The following SRPK2 variants were observed in gnomAD, a reference collection of about 807,000 sequenced individuals.
SRPK2 encodes SRSF protein kinase 2, also known as SFRS protein kinase 2.
Under a neutral mutation model 90.8 loss-of-function variants are expected in SRPK2, and 21 were observed. That is an observed-to-expected ratio of 0.23 (90% CI 0.16 to 0.33). SRPK2 has a LOEUF of 0.33. SRPK2 is among the 10% of genes least tolerant of loss of function. The pLI, the probability that SRPK2 is intolerant of heterozygous loss-of-function variation, is 1.00. For synonymous variants in SRPK2, 288 were observed against 311.1 expected, an observed-to-expected ratio of 0.93 and a Z score of 0.78; for missense variants, 620 against 869.0, an observed-to-expected ratio of 0.71 and a Z score of 3.60.
rs181928437 is a variant in SRPK2 at position 105,382,492 on chromosome 7, C to T, written c.71+6156G>A. Among the ~76,000 whole-genome samples, 47 of 129,930 alleles carry T rather than the reference C, an allele frequency of 3.6e-4. No individual in the cohort carries two copies. In the East Asian group the frequency reaches 4.1e-3, roughly 11 times the overall value. 85.2% of individuals were successfully genotyped at this position (129,930 alleles called of 152,430 possible). ...GCTTAAACCCAGGAAGCGGAGGTTA[C>T]GGTGAGCCAAGATCGTGCCACTGCA... On this transcript the variant is annotated intron_variant, in intron 2 of 15. Transcript: ENST00000393651.
chr7:105,321,236 T>A (rs1016237631), intron 2 of SRPK2, among the ~76,000 whole-genome samples: 13 of 152,160 alleles, frequency 8.5e-5, no homozygotes, highest in Admixed American at 8.5e-4. Context: ...AACAGACTAT[T>A]CAACAAATGG....
chr7:105,357,321 G>C (rs947420643), intron 2 of SRPK2, among the ~76,000 whole-genome samples: 5 of 152,200 alleles, frequency 3.3e-5, no homozygotes, highest in African/African-American at 9.6e-5. Flanking sequence ...TTACAGGCGT[G>C]AGCCACTGCG....
chr7:105,320,462 G>A (rs1223816549), intron 2 of SRPK2, among the ~76,000 whole-genome samples: 4 of 151,052 alleles, frequency 2.6e-5, no homozygotes, highest in Non-Finnish European at 4.4e-5. Context: ...TAATTACCTT[G>A]AGAATAAGTT....
chr7:105,171,136 T>C (rs1791083716), intron 3 of SRPK2, among the ~76,000 whole-genome samples: 1 of 151,946 alleles, frequency 6.6e-6, no homozygotes, highest in Non-Finnish European at 1.5e-5. Flanking sequence ...GAGGGCACCC[T>C]ATTAAGGTAG....
intron 1 of SRPK2, among the ~76,000 whole-genome samples, chr7:105,395,987 C>T (rs964733637): frequency 6.6e-6 from 1 of 152,062 alleles, no homozygotes; most frequent in Non-Finnish European, 1.5e-5. Context: ...ATGATGTCGG[C>T]TCACCGCAAC....
upstream of SRPK2, chr7:105,389,217 C>T (rs2132877587): frequency 8.4e-6 from 10 of 1,197,548 alleles, no homozygotes; most frequent in Non-Finnish European, 1.1e-5. Context: ...GACCCTCCCT[C>T]CCCGCCGCGG....
intron 2 of SRPK2, among the ~76,000 whole-genome samples, chr7:105,289,737 C>CA (rs1808701288): frequency 6.6e-6 from 1 of 152,178 alleles, no homozygotes; most frequent in African/African-American, 2.4e-5. Flanking sequence ...AAATTTCCGT[C>CA]AAAAATTTTT....
In SRPK2 at chr7:105,160,611, C is replaced by T. The variant is rs773926702; in HGVS notation, c.517G>A (p.Val173Ile). ...FKISGMNGIH[V>I]CMVFEVLGHH... ...CCAAGTACTTCGAAGACCATGCAGA[C>T]ATCTGGGACACAGTTAAGGATCGTT... is the stretch of plus-strand genomic sequence containing the variant. Residue 173 changes from valine to isoleucine, a missense_variant and splice_region_variant, in exon 7 of 16, where the codon GTC (valine) becomes ATC (isoleucine). By Grantham distance (29) the Val-to-Ile change is conservative (BLOSUM62 3). Transcript: ENST00000393651. 6.2e-7 allele frequency: 1 copy of T among 1,601,154 alleles called. No individual in the cohort carries two copies. Among genetic ancestry groups the T allele is most frequent in the South Asian group, 1.1e-5 (1 of 90,708 alleles).
intron 2 of SRPK2, among the ~76,000 whole-genome samples, chr7:105,368,359 GA>G (rs1256834372): frequency 6.6e-6 from 1 of 151,926 alleles, no homozygotes; most frequent in Non-Finnish European, 1.5e-5. Context: ...TCTCTTCAGA[GA>G]AAAAAAATTT....
chr7:105,223,997 C>T (rs954059558), intron 2 of SRPK2, among the ~76,000 whole-genome samples: 1 of 152,120 alleles, frequency 6.6e-6, no homozygotes, highest in African/African-American at 2.4e-5. Flanking sequence ...TATTCCCCAC[C>T]TGGAATTTTT....
rs1317989894 is a variant in SRPK2 at position 105,212,753 on chromosome 7, G to C, written c.72-8968C>G. Among the ~76,000 whole-genome samples, 3 of 152,216 alleles carry C rather than the reference G, an allele frequency of 2.0e-5. No homozygotes were observed. In the East Asian group the frequency reaches 5.8e-4, roughly 29 times the overall value. ...TCATGGGAAAACGCTGCAATTGTTA[G>C]TCCAGGACAGAGATGATTAAAAACT... On this transcript the variant is annotated intron_variant, in intron 2 of 15. Transcript: ENST00000393651.
intron 2 of SRPK2, among the ~76,000 whole-genome samples, chr7:105,332,029 A>G (rs1814481767): frequency 6.6e-6 from 1 of 152,170 alleles, no homozygotes; most frequent in Non-Finnish European, 1.5e-5. Flanking sequence ...CCAGATGAAG[A>G]CTGGGGAAAG....
chr7:105,150,301 T>C (rs941430936), intron 7 of SRPK2, among the ~76,000 whole-genome samples: 7 of 152,228 alleles, frequency 4.6e-5, no homozygotes, highest in Non-Finnish European at 5.9e-5. Context: ...GGCAGATCAC[T>C]TGAGGCCAGG....
intron 2 of SRPK2, among the ~76,000 whole-genome samples, chr7:105,346,768 A>G (rs1373910524): frequency 6.6e-6 from 1 of 151,628 alleles, no homozygotes; most frequent in Non-Finnish European, 1.5e-5. Context: ...AAAAAAAACA[A>G]GCAACAACAA....
intron 2 of SRPK2, among the ~76,000 whole-genome samples, chr7:105,358,488 C>G (rs1260296540): frequency 1.3e-5 from 2 of 152,082 alleles, no homozygotes; most frequent in Admixed American, 1.3e-4. Context: ...GAGTTCAAAA[C>G]CAGCCTGGAC....
At chr7:105,312,217 G>A (rs1328117236) in intron 2 of SRPK2, among the ~76,000 whole-genome samples, 1 of 152,106 alleles carries the variant, frequency 6.6e-6, no homozygotes, top group African/African-American at 2.4e-5. Context: ...CAAGGTGGGG[G>A]GATCACAAGG....
At chr7:105,115,680 G>A (rs928213228), downstream of SRPK2, among the ~76,000 whole-genome samples, 3 of 152,044 alleles carry the variant, frequency 2.0e-5, no homozygotes, top group Non-Finnish European at 2.9e-5. Context: ...TAGAACAACC[G>A]TTTCTGTATT....
chr7:105,205,517 TCACACACA>T (rs543121144), intron 2 of SRPK2, among the ~76,000 whole-genome samples: 4,366 of 95,476 alleles, frequency 0.046, 105 homozygotes, highest in East Asian at 0.09. Flanking sequence ...TCTCTCTCTC[TCACACACA>T]CACACACACA....
intron 2 of SRPK2, among the ~76,000 whole-genome samples, chr7:105,319,522 T>TGG (rs1812693739): frequency 9.3e-5 from 1 of 10,740 alleles, no homozygotes; most frequent in African/African-American, 2.3e-4. Flanking sequence ...GGGGGGGCGG[T>TGG]GGATGGCAGG....
Sources: allele counts gnomAD v4.1 joint callset (sites outside exome capture counted in the v4.1 genomes callset), GRCh38; gene constraint gnomAD v4.1.1; transcripts MANE v1.5; gene names NCBI Gene and HGNC (gene_info 2026-07-23, HGNC 2026-07-21).